Variants in ROBO1 observed in about 807,000 individuals in gnomAD.
The protein encoded by ROBO1 is roundabout homolog 1.
ROBO1 carries 149 observed loss-of-function variants against 195.9 expected under a neutral mutation model. The ratio of observed to expected loss-of-function variants is 0.76; its 90% CI spans 0.67 to 0.87. The LOEUF is 0.87. Among genes scored for constraint, ROBO1 ranks in the 40% least tolerant of loss-of-function variants. The pLI, the probability that ROBO1 is intolerant of heterozygous loss-of-function variation, is 0.00. For synonymous variants in ROBO1, 816 were observed against 733.2 expected, an observed-to-expected ratio of 1.11 and a Z score of -1.82; for missense variants, 1,933 against 2,068.3, an observed-to-expected ratio of 0.93 and a Z score of 1.27.
At chr3:79,645,488 T>C (rs901592864) in intron 1 of ROBO1, among the ~76,000 whole-genome samples, 2 of 152,140 alleles carry the variant, frequency 1.3e-5, no homozygotes, top group Admixed American at 6.6e-5. Context: ...GGAGACAATT[T>C]GAAACTCTGT....
intron 1 of ROBO1, among the ~76,000 whole-genome samples, chr3:79,728,744 A>G (rs1576291166): frequency 1.3e-5 from 2 of 152,200 alleles, no homozygotes; most frequent in South Asian, 4.1e-4. Flanking sequence ...GTCCCTTCAA[A>G]TTGTTCCCAG....
At chr3:79,047,310 G>GT (rs151132375) in intron 3 of ROBO1, among the ~76,000 whole-genome samples, 3,724 of 152,066 alleles carry the variant, frequency 0.024, 144 homozygotes, top group African/African-American at 0.082. Context: ...GGTACTGCTT[G>GT]TTTTTTCTTG....
chr3:79,718,446 A>C (rs966824798), intron 1 of ROBO1, among the ~76,000 whole-genome samples: 5 of 151,974 alleles, frequency 3.3e-5, no homozygotes, highest in African/African-American at 1.2e-4. Context: ...GGGGATAAAT[A>C]ACTATAAACT....
chr3:78,990,208 A>T (rs995876708), intron 3 of ROBO1, among the ~76,000 whole-genome samples: 3 of 152,176 alleles, frequency 2.0e-5, no homozygotes, highest in African/African-American at 7.2e-5. Context: ...TCTTTCAATC[A>T]TTGTTGATTG....
chr3:79,500,097 C>T (rs1223994687), intron 2 of ROBO1, among the ~76,000 whole-genome samples: 2 of 149,678 alleles, frequency 1.3e-5, no homozygotes, highest in Non-Finnish European at 3.0e-5. Flanking sequence ...CGTGAGCCAT[C>T]CCATGCGGCA....
intron 4 of ROBO1, among the ~76,000 whole-genome samples, chr3:78,814,374 G>T (rs931824686): frequency 4.6e-5 from 7 of 151,858 alleles, no homozygotes; most frequent in Admixed American, 3.9e-4. Flanking sequence ...TTGTTAATCA[G>T]ATATTTTATA....
intron 2 of ROBO1, among the ~76,000 whole-genome samples, chr3:79,522,739 T>G (rs1268793621): frequency 6.6e-6 from 1 of 152,208 alleles, no homozygotes; most frequent in Non-Finnish European, 1.5e-5. Context: ...AGCATTTATA[T>G]TCAAAGATGA....
At chr3:79,181,522 G>A (rs1393544067) in intron 2 of ROBO1, among the ~76,000 whole-genome samples, 2 of 152,150 alleles carry the variant, frequency 1.3e-5, no homozygotes, top group African/African-American at 4.8e-5. Context: ...TTTCTCTGGT[G>A]TGTAGTGTTG....
At chr3:78,681,294 T>C (rs1405500738) in intron 10 of ROBO1, among the ~76,000 whole-genome samples, 2 of 151,984 alleles carry the variant, frequency 1.3e-5, no homozygotes, top group Non-Finnish European at 2.9e-5. Flanking sequence ...GTAACTAACC[T>C]GCACATTGTG....
intron 1 of ROBO1, among the ~76,000 whole-genome samples, chr3:79,640,989 C>G (rs1426891501): frequency 1.3e-5 from 2 of 152,018 alleles, no homozygotes; most frequent in Non-Finnish European, 2.9e-5. Flanking sequence ...ATGTCTGAGA[C>G]TGGTTCCAAT....
At chr3:79,280,351 AATT>A (rs1395643560) in intron 2 of ROBO1, among the ~76,000 whole-genome samples, 9 of 152,270 alleles carry the variant, frequency 5.9e-5, no homozygotes, top group African/African-American at 1.7e-4. Context: ...GAATATGTAC[AATT>A]ATTATTTTTA....
In ROBO1 at chr3:78,910,932, C is replaced by T. The variant is rs149121316; in HGVS notation, c.499+27669G>A. Among the ~76,000 whole-genome samples, 175 of 152,094 alleles carry T rather than the reference C, an allele frequency of 1.2e-3. 3 individuals carry two copies. The East Asian group carries it at 0.027, about 23-fold the overall frequency. ...ATTAACAGGTCCCATCCCACATCTG[C>T]TAAATCAGAAGATCTGGGAGTGAGG... is the stretch of plus-strand genomic sequence containing the variant. On this transcript the variant is annotated intron_variant, in intron 4 of 30. Transcript: ENST00000464233.
intron 4 of ROBO1, among the ~76,000 whole-genome samples, chr3:78,825,936 T>C (rs948267842): frequency 3.9e-5 from 6 of 152,184 alleles, no homozygotes; most frequent in African/African-American, 1.4e-4. Context: ...ATTACTTTGC[T>C]GTGGTTACTA....
intron 14 of ROBO1, among the ~76,000 whole-genome samples, chr3:78,665,719 G>A (rs546705614): frequency 2.0e-5 from 3 of 151,998 alleles, no homozygotes; most frequent in African/African-American, 7.3e-5. Context: ...GTCCAATCCC[G>A]AGGAATGGGT....
intron 1 of ROBO1, among the ~76,000 whole-genome samples, chr3:79,680,757 A>G (rs543894237): frequency 6.6e-6 from 1 of 152,152 alleles, no homozygotes; most frequent in Admixed American, 6.6e-5. Flanking sequence ...ATGACATAGC[A>G]TAGAAAACAA....
intron 2 of ROBO1, among the ~76,000 whole-genome samples, chr3:79,213,895 G>A (rs1454490916): frequency 2.1e-4 from 30 of 145,752 alleles, no homozygotes; most frequent in Admixed American, 2.0e-3. Flanking sequence ...GCACAATCTC[G>A]GCTCACTGCA....
intron 5 of ROBO1, among the ~76,000 whole-genome samples, chr3:78,746,115 A>G (rs1256717371): frequency 1.3e-5 from 2 of 152,204 alleles, no homozygotes; most frequent in African/African-American, 4.8e-5. Flanking sequence ...CAAACAAAGA[A>G]GTCATATAGA....
chr3:79,416,493 C>T (rs1378795417), intron 2 of ROBO1, among the ~76,000 whole-genome samples: 3 of 149,928 alleles, frequency 2.0e-5, no homozygotes, highest in African/African-American at 7.3e-5. Context: ...TGAGGGCACA[C>T]ACCTCTAGGG....
In ROBO1 at chr3:78,938,614, C is replaced by A. The variant is rs750389835; in HGVS notation, c.486G>T (p.Ser162=). The change falls in exon 4 of 31, where the codon TCG becomes TCT. Residue 162 remains serine, a synonymous_variant. Transcript: ENST00000464233. ...CAGTTTACTTACTGGCTACTTCCAG[C>A]GATGCATTGTGGCTCACAGCCTCTC... ...YLGEAVSHNA[S]LEVAILRDDF... 3 of 1,608,456 alleles carry A rather than the reference C, an allele frequency of 1.9e-6. No individual in the cohort carries two copies. Among genetic ancestry groups the A allele is most frequent in the South Asian group, 1.1e-5 (1 of 90,786 alleles).
Sources: allele counts gnomAD v4.1 joint callset (sites outside exome capture counted in the v4.1 genomes callset), GRCh38; gene constraint gnomAD v4.1.1; transcripts MANE v1.5; gene names NCBI Gene and HGNC (gene_info 2026-07-23, HGNC 2026-07-21).